The following CELF6 variants were observed in gnomAD, a reference collection of about 807,000 sequenced individuals.
The protein encoded by CELF6 is CUGBP Elav-like family member 6.
CELF6 carries 32 observed loss-of-function variants against 53.1 expected under a neutral mutation model. The ratio of observed to expected loss-of-function variants is 0.60; its 90% CI spans 0.46 to 0.81. The LOEUF is 0.81. CELF6 is among the 30% of genes least tolerant of loss of function. The pLI, the probability that CELF6 is intolerant of heterozygous loss-of-function variation, is 0.00. For missense variants in CELF6, 539 were observed against 669.5 expected (o/e 0.81, Z 2.15); for synonymous variants, 291 against 288.8 (o/e 1.01, Z -0.08).
At chr15:72,308,102 G>A (rs1428085731) in intron 2 of CELF6, among the ~76,000 whole-genome samples, 3 of 152,152 alleles carry the variant, frequency 2.0e-5, no homozygotes, top group Non-Finnish European at 2.9e-5. Context: ...GCTTCTCTAA[G>A]GTCTCTGAGC....
At chr15:72,311,633 A>C (rs1021370415) in intron 2 of CELF6, among the ~76,000 whole-genome samples, 1 of 150,100 alleles carries the variant, frequency 6.7e-6, no homozygotes, top group African/African-American at 2.5e-5. Context: ...CAATCTCCTG[A>C]CCTCGTGATC....
At chr15:72,317,184 A>T (rs1356404536) in intron 1 of CELF6, among the ~76,000 whole-genome samples, 1 of 152,170 alleles carries the variant, frequency 6.6e-6, no homozygotes, top group Non-Finnish European at 1.5e-5. Context: ...CTTTTTCCTA[A>T]GAGCAATAGA....
chr15:72,319,664 G>C lies in CELF6; in HGVS notation c.211C>G (p.Arg71Gly). The change falls in exon 1 of 13, where the codon CGC (arginine) becomes GGC (glycine). Residue 71 changes from arginine (R) to glycine (G), a missense_variant. Transcript: ENST00000287202. The surrounding 1 kb of genome is among the most constrained non-coding windows in gnomAD (Gnocchi z 5.0). Reference protein sequence around the residue: ...DLKPLFEEFGRIYELTVLKDR... With the variant: ...DLKPLFEEFGGIYELTVLKDR... ...TTCAGCACCGTCAGCTCGTAGATGCGGCCGAACTCCTCGAACAGCGGCTTG... is the reference window on the plus strand; with the variant it reads ...TTCAGCACCGTCAGCTCGTAGATGCCGCCGAACTCCTCGAACAGCGGCTTG... The C allele has an allele frequency of 6.3e-7, 1 of 1,582,024 alleles. No homozygotes were observed. Among genetic ancestry groups the C allele is most frequent in the Non-Finnish European group, 8.6e-7 (1 of 1,163,316 alleles).
chr15:72,286,903 A>G (rs1293734884), intron 12 of CELF6, among the ~76,000 whole-genome samples: 2 of 152,154 alleles, frequency 1.3e-5, no homozygotes, highest in African/African-American at 4.8e-5. Flanking sequence ...GCCCAAAGCT[A>G]CTTTTCTAGT....
chr15:72,315,740 T>C, intron 2 of CELF6, 105 bp downstream of exon 2: 1 of 662,960 alleles, frequency 1.5e-6, no homozygotes, highest in Non-Finnish European at 2.5e-6. Flanking sequence ...TGACTCTGCT[T>C]CTAGTTCTCG....
At chr15:72,286,435 G>A (rs1402915152) in intron 12 of CELF6, 93 bp from the exon 13 acceptor site, 1 of 152,646 alleles carries the variant, frequency 6.6e-6, no homozygotes, top group African/African-American at 2.4e-5. Flanking sequence ...TTGCCCCCAT[G>A]AGTGACGTCT....
At chr15:72,302,328 A>G (rs1167116043) in intron 3 of CELF6, among the ~76,000 whole-genome samples, 1 of 152,218 alleles carries the variant, frequency 6.6e-6, no homozygotes, top group Non-Finnish European at 1.5e-5. Flanking sequence ...TTTGGAGTGT[A>G]TGCTTCTTGA....
rs2088399817 is a variant in CELF6, at chr15:72,319,433, T to C, written c.262+180A>G. Reference sequence around the variant, plus strand: ...ACATGTTAGGGGACCACAGTGATAATCAGAGGGAGGATGTCAGAGAGAAAA... The same window carrying C: ...ACATGTTAGGGGACCACAGTGATAACCAGAGGGAGGATGTCAGAGAGAAAA... On this transcript the variant is annotated intron_variant, in intron 1 of 12. Coordinates refer to ENST00000287202, the MANE Select transcript of CELF6 (RefSeq NM_052840.5). This position sits in a 1 kb window ranked among gnomAD's most constrained non-coding sequence, Gnocchi z 5.0. Among the ~76,000 whole-genome samples the C allele has an allele frequency of 6.6e-6, 1 of 151,798 alleles. No individual in the cohort carries two copies. Among genetic ancestry groups the C allele is most frequent in the South Asian group, 2.1e-4 (1 of 4,808 alleles).
chr15:72,302,738 T>C (rs1595781294), intron 3 of CELF6, among the ~76,000 whole-genome samples: 1 of 152,200 alleles, frequency 6.6e-6, no homozygotes, highest in African/African-American at 2.4e-5. Flanking sequence ...ACCACGTTCT[T>C]CTGAGCTCTG....
In CELF6 at chr15:72,286,047, T is replaced by C. The variant is rs1012188821; in HGVS notation, c.*324A>G. On this transcript the variant is annotated 3_prime_UTR_variant, in exon 13 of 13. Coordinates refer to ENST00000287202, the MANE Select transcript of CELF6 (RefSeq NM_052840.5). ...TTGGTCCCTAAACTCTAAGGAATGA[T>C]ATGATTTTGAAAGAAGTAAATCTGG... is the stretch of plus-strand genomic sequence containing the variant. The C allele has an allele frequency of 1.3e-5, 2 of 152,660 alleles. No homozygotes were observed. The highest frequency in any genetic ancestry group is 2.9e-5 in the Non-Finnish European group (2 of 68,044). The allele number at this position is 152,660 out of a possible 1,614,324, so 9.5% of individuals were successfully genotyped here.
At chr15:72,301,340 C>T (rs1253812984) in intron 3 of CELF6, among the ~76,000 whole-genome samples, 1 of 152,040 alleles carries the variant, frequency 6.6e-6, no homozygotes, top group Non-Finnish European at 1.5e-5. Flanking sequence ...TTTAAGGTTA[C>T]CTACCTGGGC....
chr15:72,310,544 ATCT>A (rs2088281664), intron 2 of CELF6, among the ~76,000 whole-genome samples: 1 of 90,662 alleles, frequency 1.1e-5, no homozygotes, highest in African/African-American at 3.2e-5. Flanking sequence ...AGCCAGAGTA[ATCT>A]TTTTTTTTTT....
intron 2 of CELF6, among the ~76,000 whole-genome samples, chr15:72,315,470 G>T (rs115579049): frequency 0.014 from 2,091 of 152,260 alleles, 39 homozygotes; most frequent in African/African-American, 0.048. Flanking sequence ...CTTAGGACTA[G>T]AGAAAATGGG....
In CELF6 at chr15:72,304,757, T is replaced by C. The variant is rs1034460922; in HGVS notation, c.383A>G (p.Glu128Gly). 34 of 1,614,040 alleles carry C rather than the reference T, an allele frequency of 2.1e-5. No individual in the cohort carries two copies. In the Admixed American group the frequency reaches 3.8e-4, roughly 18 times the overall value. Reference protein sequence around the residue: ...RPIQVKPAASEGRGEDRKLFV... With the variant: ...RPIQVKPAASGGRGEDRKLFV... ...GACAGGGAAGTTACCTCCTCGGCCC[T>C]CACTGGCAGCTGGCTTCACTTGGAT... is the stretch of plus-strand genomic sequence containing the variant. Residue 128 changes from glutamate (E) to glycine (G), a missense_variant, in exon 3 of 13, where the codon GAG becomes GGG. Transcript: ENST00000287202.
rs1209141238 is a variant in CELF6, at chr15:72,288,424, T to C, written c.1202A>G (p.Tyr401Cys). ...ATCACCAAACTCCTGAGGCAGGTGA[T>C]AGATGAAGAGGTTACAGCCTTCGGG... The part of the protein sequence containing the change: ...EGPEGCNLFI[Y>C]HLPQEFGDAE... Residue 401 changes from tyrosine to cysteine, a missense_variant, in exon 11 of 13, where the codon TAT (tyrosine) becomes TGT (cysteine). This residue lies in a region of CELF6 where 358 missense variants were observed against 412.8 expected (regional missense o/e 0.87). Coordinates refer to ENST00000287202, the MANE Select transcript of CELF6 (RefSeq NM_052840.5). This position sits in a 1 kb window ranked among gnomAD's most constrained non-coding sequence, Gnocchi z 4.6. 3.1e-6 allele frequency: 5 copies of C among 1,614,030 alleles called. No individual in the cohort carries two copies. In the African/African-American group the frequency reaches 4.0e-5, roughly 13 times the overall value.
rs1221181496 is a variant in CELF6, at chr15:72,289,516, G to C, written c.748-9C>G. The C allele has an allele frequency of 6.6e-7, 1 of 1,509,570 alleles. No homozygotes were observed. The highest frequency in any genetic ancestry group is 1.4e-5 in the African/African-American group (1 of 71,294). The allele number at this position is 1,509,570 out of a possible 1,614,324, so 93.5% of individuals were successfully genotyped here. A position where few individuals can be genotyped will look rare whatever the true frequency, so the allele number is the denominator to read the frequency against. ...GCCTGGTGCTGCAGGATCTTTGAGA[G>C]GAAAGATGGGCGAGAGTGGAGGGCC... On this transcript the variant is annotated splice_polypyrimidine_tract_variant and intron_variant, in intron 6 of 12. Transcript: ENST00000287202. This position sits in a 1 kb window ranked among gnomAD's most constrained non-coding sequence, Gnocchi z 7.6.
chr15:72,287,662 T>C (rs2087940349), intron 11 of CELF6, among the ~76,000 whole-genome samples: 1 of 152,206 alleles, frequency 6.6e-6, no homozygotes, highest in Admixed American at 6.5e-5. Flanking sequence ...ATGGGTTGGC[T>C]TTCTCCCTCC....
At chr15:72,316,429 C>A (rs962755331) in intron 1 of CELF6, among the ~76,000 whole-genome samples, 5 of 152,110 alleles carry the variant, frequency 3.3e-5, no homozygotes, top group Non-Finnish European at 5.9e-5. Context: ...TCCATGTCTC[C>A]CTCCCCTAAG....
At chr15:72,315,497 A>T (rs1292895917) in intron 2 of CELF6, among the ~76,000 whole-genome samples, 1 of 152,102 alleles carries the variant, frequency 6.6e-6, no homozygotes, top group Non-Finnish European at 1.5e-5. Flanking sequence ...GTCCAGCAGA[A>T]CCTCTACCCC....
Sources: allele counts gnomAD v4.1 joint callset (sites outside exome capture counted in the v4.1 genomes callset), GRCh38; gene constraint gnomAD v4.1.1; regional missense constraint gnomAD v4.1.1; non-coding constraint Gnocchi (gnomAD v3.1); transcripts MANE v1.5; gene names NCBI Gene and HGNC (gene_info 2026-07-23, HGNC 2026-07-21).